PRKACB: variants seen among roughly 807,000 people sequenced by gnomAD.
PRKACB encodes cAMP-dependent protein kinase catalytic subunit beta.
Under a neutral mutation model 51.4 loss-of-function variants are expected in PRKACB, and 16 were observed. The observed-to-expected ratio is 0.31, with a 90% CI of 0.21 to 0.47. The LOEUF is 0.47. Among genes scored for constraint, PRKACB ranks in the 20% least tolerant of loss-of-function variants. The pLI is 1.00. For synonymous variants in PRKACB, 147 were observed against 154.4 expected, an observed-to-expected ratio of 0.95 and a Z score of 0.35; for missense variants, 309 against 464.5, an observed-to-expected ratio of 0.67 and a Z score of 3.08.
chr1:84,187,697 A>G (rs1164398771), intron 5 of PRKACB, among the ~76,000 whole-genome samples: 2 of 152,158 alleles, frequency 1.3e-5, no homozygotes, highest in Non-Finnish European at 2.9e-5. Flanking sequence ...ACAAGACTCA[A>G]AAATAATGTA....
At position 84,150,310 on chromosome 1, in the gene PRKACB, A is replaced by ATTTTATTTTTTT. The variant is rs1306771488; in HGVS notation, c.187+5762_187+5763insTTTTATTTTTTT. Among the ~76,000 whole-genome samples the ATTTTATTTTTTT allele has an allele frequency of 2.0e-4, 30 of 152,214 alleles. 1 individual carries two copies. Among genetic ancestry groups the ATTTTATTTTTTT allele is most frequent in the African/African-American group, 7.0e-4 (29 of 41,528 alleles). On this transcript the variant is annotated intron_variant, in intron 1 of 9. Coordinates refer to ENST00000370685, the MANE Select transcript of PRKACB (RefSeq NM_182948.4). ...ATTAAAATAAAATAAAATAAAGAAA[A>ATTTTATTTTTTT]CACATTTAACATTGTAAAATTTATT...
chr1:84,098,285 G>A (rs1649079733), intron 1 of PRKACB, among the ~76,000 whole-genome samples: 1 of 151,966 alleles, frequency 6.6e-6, no homozygotes, highest in Non-Finnish European at 1.5e-5. Flanking sequence ...CAAGTCTATG[G>A]GTTGCATTTT....
chr1:84,094,708 T>G (rs1020768104), intron 1 of PRKACB, among the ~76,000 whole-genome samples: 1 of 151,898 alleles, frequency 6.6e-6, no homozygotes, highest in Non-Finnish European at 1.5e-5. Context: ...ATGTACTCTC[T>G]CTCACACACA....
chr1:84,222,043 A>C (rs1348355489), intron 9 of PRKACB, among the ~76,000 whole-genome samples: 7 of 152,064 alleles, frequency 4.6e-5, no homozygotes, highest in Non-Finnish European at 8.8e-5. Context: ...CTGAACTATT[A>C]TTGTATTGGA....
chr1:84,085,917 A>G (rs983724349), intron 1 of PRKACB: 8 of 666,562 alleles, frequency 1.2e-5, no homozygotes, highest in Admixed American at 2.3e-5. Flanking sequence ...GCATCTCCTC[A>G]ATGACCATTA....
chr1:84,183,282 C>A (rs991872209), intron 3 of PRKACB, among the ~76,000 whole-genome samples: 13 of 152,062 alleles, frequency 8.5e-5, no homozygotes, highest in African/African-American at 3.1e-4. Flanking sequence ...GGAATAGAAT[C>A]ACAGTCTTCG....
chr1:84,233,312 G>T (rs1395581049), intron 9 of PRKACB, among the ~76,000 whole-genome samples: 1 of 151,242 alleles, frequency 6.6e-6, no homozygotes, highest in Non-Finnish European at 1.5e-5. Context: ...TCCCTTTGAG[G>T]GTAACCTGAC....
At chr1:84,180,375 A>C (rs982132339) in intron 2 of PRKACB, among the ~76,000 whole-genome samples, 1 of 151,074 alleles carries the variant, frequency 6.6e-6, no homozygotes, top group Non-Finnish European at 1.5e-5. Flanking sequence ...CTATGAGGAC[A>C]CAAAGGCATA....
intron 5 of PRKACB, among the ~76,000 whole-genome samples, chr1:84,190,973 CTT>C (rs1666612542): frequency 6.6e-6 from 1 of 151,928 alleles, no homozygotes; most frequent in Non-Finnish European, 1.5e-5. Context: ...TGGGACTTTT[CTT>C]TTTATCCAGC....
chr1:84,182,127 A>G (rs1663709763), intron 2 of PRKACB, 73 bp from the exon 3 acceptor site: 1 of 1,099,548 alleles, frequency 9.1e-7, no homozygotes, highest in East Asian at 2.9e-5. Flanking sequence ...ATGATTATGT[A>G]TTATTAAAGC....
Position 84,236,949 on chromosome 1 carries a change from A to G in PRKACB, c.*1644A>G, listed in dbSNP as rs1676711355. 1 of 152,258 alleles carries G rather than the reference A, an allele frequency of 6.6e-6. No individual in the cohort carries two copies. The highest frequency in any genetic ancestry group is 2.4e-5 in the African/African-American group (1 of 41,454). 9.4% of individuals were successfully genotyped at this position (152,258 alleles called of 1,614,324 possible). On this transcript the variant is annotated 3_prime_UTR_variant, in exon 10 of 10. Coordinates refer to ENST00000370685, the MANE Select transcript of PRKACB (RefSeq NM_182948.4). ...ATATAATCATTCTATTTGCTTTATT[A>G]TCGGTGCAGGTAGGTCATTAACACC...
At chr1:84,100,073 T>C (rs991971055) in intron 1 of PRKACB, among the ~76,000 whole-genome samples, 1 of 152,202 alleles carries the variant, frequency 6.6e-6, no homozygotes, top group Non-Finnish European at 1.5e-5. Context: ...TTTTATTGAC[T>C]CACAGTTCCA....
intron 1 of PRKACB, among the ~76,000 whole-genome samples, chr1:84,084,229 T>A (rs1329758342): frequency 6.6e-6 from 1 of 152,072 alleles, no homozygotes; most frequent in Non-Finnish European, 1.5e-5. Context: ...CATTGATAAG[T>A]GAAGATGCAG....
At chr1:84,103,568 G>A (rs1423175435) in intron 1 of PRKACB, among the ~76,000 whole-genome samples, 1 of 152,206 alleles carries the variant, frequency 6.6e-6, no homozygotes, top group East Asian at 1.9e-4. Flanking sequence ...AAGTGAGCCA[G>A]CAGACCTATG....
At chr1:84,208,197 C>T (rs1671622992) in intron 8 of PRKACB, among the ~76,000 whole-genome samples, 1 of 152,134 alleles carries the variant, frequency 6.6e-6, no homozygotes, top group Non-Finnish European at 1.5e-5. Flanking sequence ...GTATGGATAC[C>T]ATGAACAACA....
At chr1:84,168,754 G>C (rs1558080259) in intron 1 of PRKACB, among the ~76,000 whole-genome samples, 2 of 151,602 alleles carry the variant, frequency 1.3e-5, no homozygotes, top group South Asian at 4.1e-4. Context: ...AACTGGGAGG[G>C]ATGAGGAAAA....
intron 8 of PRKACB, among the ~76,000 whole-genome samples, chr1:84,211,368 T>G (rs1422139080): frequency 6.6e-6 from 1 of 152,196 alleles, no homozygotes; most frequent in African/African-American, 2.4e-5. Flanking sequence ...TAAATATAGA[T>G]GTACTTCAAA....
intron 9 of PRKACB, among the ~76,000 whole-genome samples, chr1:84,216,261 C>T (rs1361613955): frequency 6.6e-6 from 1 of 152,028 alleles, no homozygotes; most frequent in African/African-American, 2.4e-5. Flanking sequence ...ATCACTTGAG[C>T]CTGGGAGATT....
chr1:84,129,539 A>G (rs1172578583), intron 1 of PRKACB, among the ~76,000 whole-genome samples: 4 of 152,176 alleles, frequency 2.6e-5, no homozygotes, highest in East Asian at 1.9e-4. Flanking sequence ...ATGTATGTCA[A>G]TTTCACACTG....
Sources: gnomAD v4.1 joint callset for allele counts (sites outside exome capture counted in the v4.1 genomes callset) on GRCh38, gnomAD v4.1.1 for gene constraint, MANE v1.5 for transcripts, NCBI Gene and HGNC (gene_info 2026-07-23, HGNC 2026-07-21) for gene names.